TMEM39B: variants seen among roughly 807,000 people sequenced by gnomAD.
The protein encoded by TMEM39B is transmembrane protein 39B.
A neutral mutation model predicts 52.2 loss-of-function variants in TMEM39B; 23 were observed. The ratio of observed to expected loss-of-function variants is 0.44; its 90% CI spans 0.32 to 0.62. The LOEUF is 0.62. Ranked by LOEUF, TMEM39B falls within the 20% of genes least tolerant of loss-of-function variation. The pLI is 0.06. For missense variants in TMEM39B, 547 were observed against 642.0 expected (o/e 0.85, Z 1.60); for synonymous variants, 285 against 264.0 (o/e 1.08, Z -0.77).
chr1:32,093,790 G>T (rs1640702411), intron 6 of TMEM39B, among the ~76,000 whole-genome samples: 1 of 151,196 alleles, frequency 6.6e-6, no homozygotes, highest in Non-Finnish European at 1.5e-5. Context: ...CTTGGAGGTG[G>T]TTCATGGTTG....
At chr1:32,083,170 C>T (rs1041165555) in intron 5 of TMEM39B, among the ~76,000 whole-genome samples, 4 of 148,808 alleles carry the variant, frequency 2.7e-5, no homozygotes, top group African/African-American at 7.4e-5. Context: ...CTGCAGCCTC[C>T]GCCTCCCAAG....
chr1:32,101,096 G>A (rs1163682789), intron 8 of TMEM39B, among the ~76,000 whole-genome samples: 1 of 151,956 alleles, frequency 6.6e-6, no homozygotes, highest in Non-Finnish European at 1.5e-5. Flanking sequence ...TGGACAGAGG[G>A]AGAGAAGATG....
chr1:32,098,038 C>A (rs1293795325), intron 7 of TMEM39B, among the ~76,000 whole-genome samples: 1 of 151,960 alleles, frequency 6.6e-6, no homozygotes, highest in Non-Finnish European at 1.5e-5. Flanking sequence ...CTCTTGTTGC[C>A]CAGGTTGGAG....
intron 5 of TMEM39B, among the ~76,000 whole-genome samples, chr1:32,079,286 A>T (rs1175664344): frequency 6.7e-6 from 1 of 149,800 alleles, no homozygotes; most frequent in East Asian, 2.0e-4. Context: ...CCGGGTTCAC[A>T]CCATTCTCCT....
chr1:32,088,003 G>A (rs1487214133), intron 5 of TMEM39B, among the ~76,000 whole-genome samples: 5 of 150,932 alleles, frequency 3.3e-5, no homozygotes, highest in African/African-American at 1.2e-4. Context: ...GCGGGCGCCT[G>A]TAGTCCCGGC....
At chr1:32,075,932 T>G (rs1639839559) in intron 3 of TMEM39B, 110 bp downstream of exon 3, 5 of 707,166 alleles carry the variant, frequency 7.1e-6, no homozygotes, top group Non-Finnish European at 1.1e-5. Context: ...AGCACCACTG[T>G]GCACTTGGCT....
At chr1:32,083,657 C>T (rs753814905) in intron 5 of TMEM39B, among the ~76,000 whole-genome samples, 3 of 149,230 alleles carry the variant, frequency 2.0e-5, no homozygotes, top group Non-Finnish European at 4.5e-5. Flanking sequence ...CTCCTGACCT[C>T]GTGATCCGTC....
chr1:32,072,391 C>T (rs967790806), upstream of TMEM39B: 2 of 152,224 alleles, frequency 1.3e-5, no homozygotes, highest in African/African-American at 2.4e-5. Flanking sequence ...CATAAAAAAA[C>T]AAGATTGCAA....
At chr1:32,072,853 C>G, upstream of TMEM39B, 1 of 611,786 alleles carries the variant, frequency 1.6e-6, no homozygotes, top group Non-Finnish European at 2.7e-6. Context: ...GCACCGCCTC[C>G]GTCCGGGCGG....
rs1312127057 is a variant in TMEM39B, at chr1:32,075,664, C to T, written c.193C>T (p.Gln65Ter). 6.4e-7 allele frequency: 1 copy of T among 1,551,650 alleles called. No individual in the cohort carries two copies. The highest frequency in any genetic ancestry group is 1.2e-5 in the South Asian group (1 of 84,056). Residue 65 changes from glutamine (Q) to a stop codon, truncating the protein, a stop_gained, in exon 3 of 9, where the codon CAG becomes TAG. Transcript: ENST00000336294. LOFTEE classifies it high-confidence loss of function. ...PLATQTVVPL[Q>*]HCKIPELPVQ... ...GGCCACCCAAACTGTTGTGCCTCTA[C>T]AGCACTGCAAGATCCCCGAGCTGCC...
chr1:32,077,098 G>C, intron 4 of TMEM39B, 66 bp from the exon 5 acceptor site: 1 of 1,592,674 alleles, frequency 6.3e-7, no homozygotes. Context: ...TGCTGGGTGG[G>C]ATTTGGGCAC....
intron 7 of TMEM39B, among the ~76,000 whole-genome samples, chr1:32,098,717 C>T (rs923502837): frequency 3.5e-4 from 53 of 151,868 alleles, no homozygotes; most frequent in Admixed American, 3.0e-3. Context: ...CTGGCCTAGG[C>T]GAAAGAGCGA....
intron 7 of TMEM39B, among the ~76,000 whole-genome samples, chr1:32,096,701 T>C (rs1386583280): frequency 6.6e-6 from 1 of 152,146 alleles, no homozygotes; most frequent in Admixed American, 6.5e-5. Flanking sequence ...CCTCAGGTGA[T>C]TCACTCGTCC....
chr1:32,101,196 T>C lies in TMEM39B; in HGVS notation c.1236+634T>C, dbSNP rs187093792. The stretch of plus-strand genomic sequence containing the variant: ...CAGGCATGTCGTTAAGCACTCTCCA[T>C]GTACCTTCCTACTCAGCCTTACCCT... On this transcript the variant is annotated intron_variant, in intron 8 of 8. Coordinates refer to ENST00000336294, the MANE Select transcript of TMEM39B (RefSeq NM_018056.4). 1.3e-3 allele frequency among the ~76,000 whole-genome samples: 201 copies of C among 151,922 alleles called. 2 individuals are homozygous for C. The highest frequency in any genetic ancestry group is 1.2e-3 in the East Asian group (6 of 5,178).
intron 7 of TMEM39B, 57 bp from the exon 8 acceptor site, chr1:32,100,385 G>C (rs1380628364): frequency 6.6e-7 from 1 of 1,505,656 alleles, no homozygotes; most frequent in African/African-American, 1.4e-5. Context: ...CCATTCTTCT[G>C]GTATCCCTTT....
At chr1:32,086,536 G>T (rs1640357986) in intron 5 of TMEM39B, among the ~76,000 whole-genome samples, 1 of 152,182 alleles carries the variant, frequency 6.6e-6, no homozygotes, top group Non-Finnish European at 1.5e-5. Flanking sequence ...AGAGACTGAG[G>T]CAGGCGGATG....
At chr1:32,100,367 C>A in intron 7 of TMEM39B, 75 bp from the exon 8 acceptor site, 1 of 1,470,012 alleles carries the variant, frequency 6.8e-7, no homozygotes, top group Non-Finnish European at 9.0e-7. Flanking sequence ...CTGGTGATTC[C>A]CTCCTGCCCA....
intron 5 of TMEM39B, among the ~76,000 whole-genome samples, chr1:32,085,159 G>A (rs1308443009): frequency 1.3e-5 from 2 of 151,864 alleles, no homozygotes; most frequent in African/African-American, 4.8e-5. Context: ...TTTAGCTTGG[G>A]GAAATTTTCC....
chr1:32,073,129 C>T, intron 1 of TMEM39B, 78 bp downstream of exon 1: 3 of 1,365,016 alleles, frequency 2.2e-6, no homozygotes, highest in South Asian at 1.7e-5. Context: ...AATTGCTGCT[C>T]CACGCGGACA....
Sources: allele counts gnomAD v4.1 joint callset (sites outside exome capture counted in the v4.1 genomes callset), GRCh38; gene constraint gnomAD v4.1.1; transcripts MANE v1.5; gene names NCBI Gene and HGNC (gene_info 2026-07-23, HGNC 2026-07-21).